CCT5: variants seen among roughly 807,000 people sequenced by gnomAD.
CCT5 encodes T-complex protein 1 subunit epsilon.
In CCT5, 6 loss-of-function variants were observed where a neutral mutation model predicts 55.0. That is an observed-to-expected ratio of 0.11 (90% confidence interval 0.06 to 0.22). CCT5 has a LOEUF of 0.22. Among genes scored for constraint, CCT5 ranks in the 10% least tolerant of loss-of-function variants. The pLI, the probability that CCT5 is intolerant of heterozygous loss-of-function variation, is 1.00. For synonymous variants in CCT5, 231 were observed against 243.7 expected (o/e 0.95, Z 0.49); for missense variants, 560 against 694.6 (o/e 0.81, Z 2.18).
rs1745312665 is a variant in CCT5, at chr5:10,250,346, G to A, written c.6G>A (p.Ala2=). The A allele has an allele frequency of 6.2e-7, 1 of 1,614,046 alleles. No individual in the cohort carries two copies. Among genetic ancestry groups the A allele is most frequent in the South Asian group, 1.1e-5 (1 of 91,078 alleles). The stretch of plus-strand genomic sequence containing the variant: ...GTAATTCCGGTTGTTGCACCATGGC[G>A]TCCATGGGGACCCTCGCCTTCGATG... The part of the protein sequence containing the change: M[A]SMGTLAFDEY... Residue 2 remains alanine (A), a synonymous_variant, in exon 1 of 11, where the codon GCG becomes GCA. Transcript: ENST00000280326.
In CCT5 at chr5:10,254,852, A is replaced by T. The variant is rs201171003; in HGVS notation, c.331+14A>T. The T allele has an allele frequency of 2.4e-3, 3,844 of 1,609,734 alleles. 5 individuals carry two copies. Among genetic ancestry groups the T allele is most frequent in the Non-Finnish European group, 2.7e-3 (3,200 of 1,176,070 alleles). On this transcript the variant is annotated intron_variant, in intron 3 of 10. Transcript: ENST00000280326. ...CAGGAGTGGTTGGTAAGAAAAGACA[A>T]AACATCCTTTCTCATTTAAGAGACG...
intron 1 of CCT5, among the ~76,000 whole-genome samples, chr5:10,251,811 C>A (rs1745434937): frequency 6.6e-6 from 1 of 152,180 alleles, no homozygotes; most frequent in Non-Finnish European, 1.5e-5. Flanking sequence ...TTCCACTTAA[C>A]AGGGACCTGC....
intron 1 of CCT5, 45 bp downstream of exon 1, chr5:10,250,490 C>T (rs948275889): frequency 2.5e-6 from 4 of 1,607,250 alleles, no homozygotes; most frequent in Non-Finnish European, 3.4e-6. Context: ...GGGGAGGTGG[C>T]CGAGGCCGTG....
intron 2 of CCT5, 46 bp downstream of exon 2, chr5:10,254,251 T>TAAAACTGTC (rs766482931): frequency 7.7e-7 from 1 of 1,304,304 alleles, no homozygotes; most frequent in South Asian, 1.2e-5. Flanking sequence ...ATTTAAATTA[T>TAAAACTGTC]AAAACTGTCA....
intron 6 of CCT5, among the ~76,000 whole-genome samples, chr5:10,258,929 G>A (rs1745815992): frequency 6.6e-6 from 1 of 152,168 alleles, no homozygotes; most frequent in Non-Finnish European, 1.5e-5. Flanking sequence ...GGAGGCAGAG[G>A]TTGCAGTGAG....
intron 6 of CCT5, among the ~76,000 whole-genome samples, chr5:10,260,379 C>T (rs1424651245): frequency 2.0e-5 from 3 of 152,236 alleles, no homozygotes; most frequent in African/African-American, 7.2e-5. Flanking sequence ...AGTCAAGTTG[C>T]AAGTGGTTCA....
At chr5:10,250,687 G>C (rs1745344355) in intron 1 of CCT5, 1 of 1,385,434 alleles carries the variant, frequency 7.2e-7, no homozygotes, top group African/African-American at 1.5e-5. Flanking sequence ...TTCGGAGCTG[G>C]GTGGGGCCGC....
intron 3 of CCT5, among the ~76,000 whole-genome samples, chr5:10,255,361 C>T (rs1232195201): frequency 6.6e-6 from 1 of 151,860 alleles, no homozygotes; most frequent in Non-Finnish European, 1.5e-5. Context: ...AGTATTGTAC[C>T]TTTTTTTTCT....
intron 7 of CCT5, chr5:10,261,259 C>G (rs2126514100): frequency 2.0e-6 from 1 of 496,394 alleles, no homozygotes; most frequent in Non-Finnish European, 3.7e-6. Context: ...AAGGAACATG[C>G]AGGCTGGGTT....
Position 10,258,313 on chromosome 5 carries a change from T to C in CCT5, c.723+10T>C, listed in dbSNP as rs754237380. The C allele has an allele frequency of 6.2e-7, 1 of 1,613,982 alleles. No individual in the cohort carries two copies. Among genetic ancestry groups the C allele is most frequent in the Non-Finnish European group, 8.5e-7 (1 of 1,179,938 alleles). On this transcript the variant is annotated intron_variant, in intron 5 of 10. Transcript: ENST00000280326. ...CCCACAGATGCCAAAAGTGAGCCATTGCATCTCACAGCTTCGCACTGTTGG... is the reference window on the plus strand; with the variant it reads ...CCCACAGATGCCAAAAGTGAGCCATCGCATCTCACAGCTTCGCACTGTTGG...
rs763185623 is a variant in CCT5, at chr5:10,260,755, C to T, written c.874-37C>T. 9 of 1,610,978 alleles carry T rather than the reference C, an allele frequency of 5.6e-6. No individual in the cohort carries two copies. The African/African-American group carries it at 8.0e-5, about 14-fold the overall frequency. On this transcript the variant is annotated intron_variant, in intron 6 of 10. Transcript: ENST00000280326. ...CATTGTAATGAAGAATAAATACCCA[C>T]TTTCTCTTAATACGATTGTGGTGGT...
intron 6 of CCT5, 46 bp from the exon 7 acceptor site, chr5:10,260,746 A>G (rs746726623): frequency 6.2e-7 from 1 of 1,607,966 alleles, no homozygotes; most frequent in African/African-American, 1.3e-5. Flanking sequence ...AATGAAGAAT[A>G]AATACCCACT....
chr5:10,263,608 A>T (rs1746087642), intron 10 of CCT5, among the ~76,000 whole-genome samples: 3 of 152,228 alleles, frequency 2.0e-5, no homozygotes, highest in African/African-American at 7.2e-5. Flanking sequence ...TGCTGTTTTT[A>T]CACAGATGTC....
chr5:10,265,081 G>A lies in CCT5; in HGVS notation c.*298G>A. The A allele has an allele frequency of 5.9e-6, 2 of 339,146 alleles. No homozygotes were observed. Among genetic ancestry groups the A allele is most frequent in the South Asian group, 5.8e-5 (2 of 34,220 alleles). The allele number at this position is 339,146 out of a possible 1,614,324, so 21.0% of individuals were successfully genotyped here. ...GTAATTAAATGCTGCCTTAATTGAAGGGGTTTGGGTGGATTTTTTTTTCTC... is the reference window on the plus strand; with the variant it reads ...GTAATTAAATGCTGCCTTAATTGAAAGGGTTTGGGTGGATTTTTTTTTCTC... On this transcript the variant is annotated 3_prime_UTR_variant, in exon 11 of 11. Coordinates refer to ENST00000280326, the MANE Select transcript of CCT5 (RefSeq NM_012073.5).
intron 1 of CCT5, among the ~76,000 whole-genome samples, 195 bp from the exon 2 acceptor site, chr5:10,253,950 C>A (rs1745551409): frequency 6.6e-6 from 1 of 152,226 alleles, no homozygotes; most frequent in Non-Finnish European, 1.5e-5. Context: ...GGTTCTCTTT[C>A]TTTACGTAAG....
Position 10,263,142 on chromosome 5 carries a change from C to T in CCT5, c.1326C>T (p.Thr442=), listed in dbSNP as rs1746049455. ...AVSQEADKCP[T]LEQYAMRAFA... ...CTTCTGTACCTTTCCAGTGCCCCAC[C>T]TTAGAACAGTATGCCATGAGAGCGT... The change falls in exon 10 of 11, where the codon ACC becomes ACT. Residue 442 remains threonine, a synonymous_variant. Coordinates refer to ENST00000280326, the MANE Select transcript of CCT5 (RefSeq NM_012073.5). The T allele has an allele frequency of 3.1e-6, 5 of 1,614,154 alleles. No homozygotes were observed. Among genetic ancestry groups the T allele is most frequent in the Non-Finnish European group, 4.2e-6 (5 of 1,180,006 alleles).
chr5:10,254,034 T>C (rs982284343), intron 1 of CCT5, 111 bp from the exon 2 acceptor site: 4 of 773,166 alleles, frequency 5.2e-6, no homozygotes, highest in Non-Finnish European at 9.3e-6. Flanking sequence ...ATGTAGAAGC[T>C]TCTAGACAAT....
chr5:10,255,740 A>G lies in CCT5; in HGVS notation c.332-215A>G, dbSNP rs138217346. On this transcript the variant is annotated intron_variant, in intron 3 of 10. Transcript: ENST00000280326. The stretch of plus-strand genomic sequence containing the variant: ...CGTTCTTCACATCACTGAGGGTTGA[A>G]TGTTCATCTGTAAGGGGACACATGT... 1.1e-3 allele frequency among the ~76,000 whole-genome samples: 164 copies of G among 152,348 alleles called. 2 individuals carry two copies. The highest frequency in any genetic ancestry group is 3.4e-4 in the Non-Finnish European group (23 of 68,036).
chr5:10,264,745 A>G lies in CCT5; in HGVS notation c.1588A>G (p.Ile530Val). The part of the protein sequence containing the change: ...ATQMVRMILK[I>V]DDIRKPGESE... Reference sequence around the variant, plus strand: ...ACAAATGGTTAGAATGATTTTGAAGATTGATGACATTCGTAAGCCTGGAGA... The same window carrying G: ...ACAAATGGTTAGAATGATTTTGAAGGTTGATGACATTCGTAAGCCTGGAGA... The change falls in exon 11 of 11, where the codon ATT becomes GTT. Residue 530 changes from isoleucine to valine, a missense_variant. Transcript: ENST00000280326. The G allele has an allele frequency of 6.2e-7, 1 of 1,613,104 alleles. No homozygotes were observed. Among genetic ancestry groups the G allele is most frequent in the Non-Finnish European group, 8.5e-7 (1 of 1,179,052 alleles).
Sources: allele counts gnomAD v4.1 joint callset (sites outside exome capture counted in the v4.1 genomes callset), GRCh38; gene constraint gnomAD v4.1.1; transcripts MANE v1.5; gene names NCBI Gene and HGNC (gene_info 2026-07-23, HGNC 2026-07-21).